The following FBXL13 variants were observed in gnomAD, a reference collection of about 807,000 sequenced individuals.
The protein encoded by FBXL13 is F-box and leucine-rich repeat protein 13.
FBXL13 carries 67 observed loss-of-function variants against 83.6 expected under a neutral mutation model. The observed-to-expected ratio is 0.80, with a 90% CI of 0.66 to 0.98. FBXL13 has a LOEUF of 0.98. Ranked by LOEUF, FBXL13 falls within the 50% of genes least tolerant of loss-of-function variation. FBXL13 has a pLI of 0.00. For synonymous variants in FBXL13, 272 were observed against 299.5 expected (o/e 0.91, Z 0.95); for missense variants, 822 against 866.5 (o/e 0.95, Z 0.64).
intron 6 of FBXL13, among the ~76,000 whole-genome samples, chr7:103,018,016 T>G (rs1172672463): frequency 2.0e-5 from 3 of 151,090 alleles, no homozygotes; most frequent in South Asian, 2.1e-4. Flanking sequence ...CCAAGACACA[T>G]AATTGTCAGA....
At chr7:103,026,762 C>G (rs1793964003) in intron 5 of FBXL13, among the ~76,000 whole-genome samples, 1 of 152,124 alleles carries the variant, frequency 6.6e-6, no homozygotes, top group Non-Finnish European at 1.5e-5. Context: ...GGCATTGATC[C>G]ATGGGGCAAC....
rs186070074 is a variant in FBXL13 at position 103,065,522 on chromosome 7, C to T, written c.-105+8724G>A. ...CCAGTCAAGAGACAGAAATCACACC[C>T]GTGTTTTGAATAAAGAACAATTTAT... On this transcript the variant is annotated intron_variant, in intron 1 of 19. Transcript: ENST00000313221. Among the ~76,000 whole-genome samples, 13 of 152,204 alleles carry T rather than the reference C, an allele frequency of 8.5e-5. No homozygotes were observed. In the East Asian group the frequency reaches 1.9e-3, roughly 23 times the overall value.
rs980751758 is a variant in FBXL13, at chr7:103,011,333, G to A, written c.495+13730C>T. 5.3e-5 allele frequency among the ~76,000 whole-genome samples: 8 copies of A among 152,082 alleles called. 1 individual carries two copies. The East Asian group carries it at 1.2e-3, about 22-fold the overall frequency. On this transcript the variant is annotated intron_variant, in intron 6 of 19. Transcript: ENST00000313221. ...AATACTGGAGGTGGTAGACCAAATG[G>A]CCATTATAAGAAAGAAACAGGCCAG...
chr7:102,938,102 G>A (rs950183580), intron 8 of FBXL13, among the ~76,000 whole-genome samples: 6 of 152,174 alleles, frequency 3.9e-5, no homozygotes, highest in African/African-American at 7.2e-5. Flanking sequence ...GTGTTTCAAA[G>A]GGAATAAATG....
At chr7:102,890,817 GGC>G (rs1446316080) in intron 11 of FBXL13, among the ~76,000 whole-genome samples, 1 of 152,158 alleles carries the variant, frequency 6.6e-6, no homozygotes, top group Non-Finnish European at 1.5e-5. Flanking sequence ...GACCCTCTAA[GGC>G]AGCCAGAAAT....
In FBXL13 at chr7:102,971,366, G is replaced by A. The variant is rs138913156; in HGVS notation, c.496-3249C>T. ...TAATCCCAGCACTTTGGGAGGCTGA[G>A]GCAGGCAGATCACCTAAGGTTGGGC... On this transcript the variant is annotated intron_variant, in intron 6 of 19. Coordinates refer to ENST00000313221, the Ensembl canonical transcript of FBXL13. Among the ~76,000 whole-genome samples, 1,083 of 152,240 alleles carry A rather than the reference G, an allele frequency of 7.1e-3. 10 individuals are homozygous for A. Among genetic ancestry groups the A allele is most frequent in the Non-Finnish European group, 0.01 (700 of 68,020 alleles).
intron 11 of FBXL13, among the ~76,000 whole-genome samples, chr7:102,907,084 T>A (rs1211317878): frequency 6.6e-6 from 1 of 152,158 alleles, no homozygotes; most frequent in Admixed American, 6.5e-5. Context: ...ACAATTCTCT[T>A]GCCTCTGCTT....
At chr7:102,915,142 T>C (rs1056862191) in intron 10 of FBXL13, among the ~76,000 whole-genome samples, 1 of 150,574 alleles carries the variant, frequency 6.6e-6, no homozygotes, top group Non-Finnish European at 1.5e-5. Flanking sequence ...TTTTTTTTTT[T>C]ACACTGATCA....
At chr7:102,839,600 A>T (rs1476929998) in intron 17 of FBXL13, among the ~76,000 whole-genome samples, 2 of 152,188 alleles carry the variant, frequency 1.3e-5, no homozygotes, top group Non-Finnish European at 2.9e-5. Flanking sequence ...GGTGTCTGCC[A>T]CCACGCCCAG....
At chr7:102,957,616 A>C (rs946439130) in intron 8 of FBXL13, among the ~76,000 whole-genome samples, 1 of 152,168 alleles carries the variant, frequency 6.6e-6, no homozygotes, top group African/African-American at 2.4e-5. Flanking sequence ...AATGGGAGAA[A>C]ATTTTTGCAA....
At position 103,005,083 on chromosome 7, in the gene FBXL13, T is replaced by C. The variant is rs145787459; in HGVS notation, c.495+19980A>G. Reference sequence around the variant, plus strand: ...AAAATTATATTGACAAATAATCTTGTATTTAAAGTTAATTATACAGCTTTC... The same window carrying C: ...AAAATTATATTGACAAATAATCTTGCATTTAAAGTTAATTATACAGCTTTC... On this transcript the variant is annotated intron_variant, in intron 6 of 19. Transcript: ENST00000313221. Among the ~76,000 whole-genome samples the C allele has an allele frequency of 8.9e-4, 136 of 152,356 alleles. 1 individual carries two copies. Among genetic ancestry groups the C allele is most frequent in the African/African-American group, 3.2e-3 (134 of 41,574 alleles).
At chr7:103,034,876 C>T (rs1372943453) in intron 2 of FBXL13, among the ~76,000 whole-genome samples, 1 of 152,228 alleles carries the variant, frequency 6.6e-6, no homozygotes, top group Admixed American at 6.5e-5. Flanking sequence ...TTACAAAAGT[C>T]TTACATTATG....
chr7:102,816,588 T>C (rs907887358), intron 19 of FBXL13, among the ~76,000 whole-genome samples: 2 of 152,200 alleles, frequency 1.3e-5, no homozygotes, highest in African/African-American at 4.8e-5. Context: ...TAGCATCCTA[T>C]GTAGCTGTGT....
chr7:103,030,628 AATG>A (rs1585447623), intron 2 of FBXL13, among the ~76,000 whole-genome samples: 1 of 152,108 alleles, frequency 6.6e-6, no homozygotes, highest in Non-Finnish European at 1.5e-5. Context: ...AACTACAGTA[AATG>A]ATATGTCATA....
chr7:103,035,745 C>T (rs1382934384), intron 2 of FBXL13, among the ~76,000 whole-genome samples: 1 of 152,114 alleles, frequency 6.6e-6, no homozygotes, highest in African/African-American at 2.4e-5. Context: ...TAGCTTCCAG[C>T]ATATTGTAAT....
downstream of FBXL13, among the ~76,000 whole-genome samples, chr7:102,811,651 A>G (rs568680617): frequency 1.3e-5 from 2 of 152,310 alleles, no homozygotes; most frequent in Non-Finnish European, 2.9e-5. Context: ...TTCCTTTAGA[A>G]AGCAATTGCC....
chr7:103,072,191 A>G (rs1799032540), intron 1 of FBXL13, among the ~76,000 whole-genome samples: 1 of 152,118 alleles, frequency 6.6e-6, no homozygotes, highest in African/African-American at 2.4e-5. Flanking sequence ...TCAAAAAAAA[A>G]AAAAGTATAA....
At chr7:103,005,367 C>T (rs1563208387) in intron 6 of FBXL13, among the ~76,000 whole-genome samples, 1 of 151,852 alleles carries the variant, frequency 6.6e-6, no homozygotes, top group Admixed American at 6.6e-5. Context: ...TACCTGATGG[C>T]ATATATTTTC....
intron 10 of FBXL13, among the ~76,000 whole-genome samples, chr7:102,914,283 G>A (rs759019952): frequency 2.0e-5 from 3 of 152,216 alleles, no homozygotes; most frequent in Non-Finnish European, 4.4e-5. Context: ...ATGTTGGCCA[G>A]GCTGGCCTCG....
Sources: gnomAD v4.1 joint callset for allele counts (sites outside exome capture counted in the v4.1 genomes callset) on GRCh38, gnomAD v4.1.1 for gene constraint, MANE v1.5 for transcripts, NCBI Gene and HGNC (gene_info 2026-07-23, HGNC 2026-07-21) for gene names.